The following FBXW7 variants were observed in gnomAD, a reference collection of about 807,000 sequenced individuals.
FBXW7 encodes F-box and WD repeat domain containing 7.
A neutral mutation model predicts 86.3 loss-of-function variants in FBXW7; 11 were observed. That is an observed-to-expected ratio of 0.13 (90% CI 0.08 to 0.21). FBXW7 has a LOEUF of 0.21. Among genes scored for constraint, FBXW7 ranks in the 10% least tolerant of loss-of-function variants. The pLI is 1.00. For synonymous variants in FBXW7, 313 were observed against 297.9 expected (o/e 1.05, Z -0.52); for missense variants, 488 against 847.4 (o/e 0.58, Z 5.27).
intron 2 of FBXW7, among the ~76,000 whole-genome samples, chr4:152,419,733 G>A (rs1003799969): frequency 1.3e-5 from 2 of 151,894 alleles, no homozygotes; most frequent in African/African-American, 4.8e-5. Context: ...AATACAGCAG[G>A]TCACAAAAAA....
At chr4:152,491,249 G>A (rs1018977144) in intron 2 of FBXW7, among the ~76,000 whole-genome samples, 2 of 152,090 alleles carry the variant, frequency 1.3e-5, no homozygotes, top group African/African-American at 2.4e-5. Context: ...AACATAAGCA[G>A]TAATAGAATA....
At chr4:152,481,323 A>G (rs1485828785) in intron 2 of FBXW7, among the ~76,000 whole-genome samples, 1 of 152,196 alleles carries the variant, frequency 6.6e-6, no homozygotes. Context: ...GCTCAGAATA[A>G]AAGATTCCGT....
chr4:152,326,729 T>G (rs1393467912), intron 11 of FBXW7, among the ~76,000 whole-genome samples: 3 of 152,080 alleles, frequency 2.0e-5, no homozygotes, highest in Admixed American at 2.0e-4. Flanking sequence ...TCCCTTGTGA[T>G]TAGGTAAAAA....
intron 2 of FBXW7, among the ~76,000 whole-genome samples, chr4:152,436,748 CTAAA>C (rs146165346): frequency 0.014 from 2,084 of 152,300 alleles, 27 homozygotes; most frequent in Middle Eastern, 0.037. Flanking sequence ...AAGAATTAGG[CTAAA>C]TATACTCTCC....
rs1728804239 is a variant in FBXW7, at chr4:152,324,230, A to C, written c.1809T>G (p.Val603=). 1 of 1,612,812 alleles carries C rather than the reference A, an allele frequency of 6.2e-7. No individual in the cohort carries two copies. Among genetic ancestry groups the C allele is most frequent in the Non-Finnish European group, 8.5e-7 (1 of 1,179,456 alleles). Residue 603 remains valine, a synonymous_variant, in exon 13 of 14, where the codon GTT becomes GTG. Coordinates refer to ENST00000281708, the MANE Select transcript of FBXW7 (RefSeq NM_001349798.2). ...ILVSGNADST[V]KIWDIKTGQC... ...GTCCTGTTTTGATATCCCAGATTTT[A>C]ACTGTAGAATCTGCATTCCCAGAGA...
At chr4:152,428,026 C>A (rs1739537323) in intron 2 of FBXW7, among the ~76,000 whole-genome samples, 2 of 152,058 alleles carry the variant, frequency 1.3e-5, no homozygotes, top group Non-Finnish European at 2.9e-5. Flanking sequence ...TTTCTTGCCA[C>A]CTAAAAAGAG....
intron 4 of FBXW7, among the ~76,000 whole-genome samples, chr4:152,384,823 T>C (rs551157646): frequency 9.2e-5 from 14 of 152,060 alleles, no homozygotes; most frequent in African/African-American, 3.1e-4. Flanking sequence ...TGGAAACCTA[T>C]AAACTGGTAG....
At chr4:152,499,945 T>G (rs1364671193) in intron 2 of FBXW7, among the ~76,000 whole-genome samples, 1 of 152,178 alleles carries the variant, frequency 6.6e-6, no homozygotes, top group African/African-American at 2.4e-5. Flanking sequence ...TCTCTGATCA[T>G]CATGCCTGTC....
At chr4:152,361,740 C>T (rs1560805116) in intron 4 of FBXW7, among the ~76,000 whole-genome samples, 1 of 152,030 alleles carries the variant, frequency 6.6e-6, no homozygotes, top group African/African-American at 2.4e-5. Context: ...TTTTGGGAGA[C>T]CAAGGCTGGT....
At chr4:152,453,774 C>T (rs1027411299) in intron 2 of FBXW7, among the ~76,000 whole-genome samples, 3 of 151,842 alleles carry the variant, frequency 2.0e-5, no homozygotes, top group Non-Finnish European at 4.4e-5. Flanking sequence ...ATTTTTTCAG[C>T]ATGTGTTAGT....
chr4:152,473,976 C>A (rs1744181459), intron 2 of FBXW7, among the ~76,000 whole-genome samples: 1 of 152,016 alleles, frequency 6.6e-6, no homozygotes, highest in South Asian at 2.1e-4. Context: ...GGAAACCTCC[C>A]CAGGGGTCAC....
chr4:152,518,323 T>C (rs527926553), intron 2 of FBXW7, among the ~76,000 whole-genome samples: 1 of 152,160 alleles, frequency 6.6e-6, no homozygotes, highest in East Asian at 1.9e-4. Flanking sequence ...TGAAACAGGG[T>C]CTTGCTCTCT....
chr4:152,535,319 C>G lies in FBXW7; in HGVS notation c.-405G>C. 3.0e-6 allele frequency: 1 copy of G among 328,520 alleles called. No homozygotes were observed. Among genetic ancestry groups the G allele is most frequent in the Middle Eastern group, 7.7e-4 (1 of 1,302 alleles). The allele number at this position is 328,520 out of a possible 1,614,324, so 20.4% of individuals were successfully genotyped here. A position where few individuals can be genotyped will look rare whatever the true frequency, so the allele number is the denominator to read the frequency against. ...TCGGGACTGGGGCGGGGGAGGGGGG[C>G]TCTAGGAACTCCTCCCGGAGTCCAG... On this transcript the variant is annotated 5_prime_UTR_variant, in exon 1 of 14. Coordinates refer to ENST00000281708, the MANE Select transcript of FBXW7 (RefSeq NM_001349798.2).
intron 4 of FBXW7, among the ~76,000 whole-genome samples, chr4:152,367,635 C>T (rs1733612787): frequency 6.6e-6 from 1 of 152,090 alleles, no homozygotes; most frequent in Non-Finnish European, 1.5e-5. Context: ...ATACCATTCA[C>T]TTCTAACTTT....
rs753254246 is a variant in FBXW7 at position 152,411,503 on chromosome 4, C to T, written c.301G>A (p.Asp101Asn). 1.9e-6 allele frequency: 3 copies of T among 1,613,778 alleles called. No individual in the cohort carries two copies. Among genetic ancestry groups the T allele is most frequent in the East Asian group, 2.2e-5 (1 of 44,864 alleles). Reference protein sequence around the residue: ...SSGNQEEQEEDEEHAGEQDEE... With the variant: ...SSGNQEEQEENEEHAGEQDEE... The stretch of plus-strand genomic sequence containing the variant: ...TCTTGTTCACCAGCATGTTCTTCAT[C>T]TTCCTCTTGTTCTTCTTGGTTTCCT... Residue 101 changes from aspartate (D) to asparagine (N), a missense_variant, in exon 4 of 14, where the codon GAT becomes AAT. By Grantham distance (23) the Asp-to-Asn change is conservative. Transcript: ENST00000281708.
chr4:152,459,292 A>G (rs1214079281), intron 2 of FBXW7, among the ~76,000 whole-genome samples: 1 of 152,200 alleles, frequency 6.6e-6, no homozygotes, highest in Non-Finnish European at 1.5e-5. Context: ...CACTTTTTCC[A>G]ATCAAGCTAA....
intron 2 of FBXW7, among the ~76,000 whole-genome samples, chr4:152,498,481 A>G: frequency 6.6e-6 from 1 of 152,204 alleles, no homozygotes; most frequent in South Asian, 2.1e-4. Flanking sequence ...TGTGATTCTC[A>G]GCAACTCTCA....
chr4:152,419,220 C>A (rs1398152362), intron 2 of FBXW7, among the ~76,000 whole-genome samples: 1 of 151,956 alleles, frequency 6.6e-6, no homozygotes, highest in Non-Finnish European at 1.5e-5. Flanking sequence ...ATTAAATCTG[C>A]TGAGCCTAAG....
intron 2 of FBXW7, among the ~76,000 whole-genome samples, chr4:152,532,771 CT>C (rs1473915972): frequency 6.6e-6 from 1 of 152,178 alleles, no homozygotes; most frequent in African/African-American, 2.4e-5. Flanking sequence ...TCTATCCCCC[CT>C]CTCCTATAGC....
Sources: allele counts gnomAD v4.1 joint callset (sites outside exome capture counted in the v4.1 genomes callset), GRCh38; gene constraint gnomAD v4.1.1; transcripts MANE v1.5; gene names NCBI Gene and HGNC (gene_info 2026-07-23, HGNC 2026-07-21).